Variants in EPHA2 observed in about 807,000 individuals in gnomAD.
The protein encoded by EPHA2 is ephrin type-A receptor 2.
Under a neutral mutation model 104.9 loss-of-function variants are expected in EPHA2, and 54 were observed. That is an observed-to-expected ratio of 0.51 (90% CI 0.41 to 0.65). The LOEUF (loss-of-function observed/expected upper bound fraction) is 0.65. EPHA2 is among the 30% of genes least tolerant of loss of function. The pLI, the probability that EPHA2 is intolerant of heterozygous loss-of-function variation, is 0.00. For synonymous variants in EPHA2, 560 were observed against 559.1 expected, an observed-to-expected ratio of 1.00 and a Z score of -0.02; for missense variants, 1,117 against 1,369.5, an observed-to-expected ratio of 0.82 and a Z score of 2.91.
In EPHA2 at chr1:16,130,689, G is replaced by A. The variant is rs1349521647; in HGVS notation, c.2476-270C>T. On this transcript the variant is annotated intron_variant, in intron 14 of 16. Transcript: ENST00000358432. The surrounding 1 kb of genome is among the most constrained non-coding windows in gnomAD (Gnocchi z 4.5). Reference sequence around the variant, plus strand: ...CTGTCACCCAGGCTAGAGTGCAGTGGCGCTATCACACCTCACGGCAGCCTC... The same window carrying A: ...CTGTCACCCAGGCTAGAGTGCAGTGACGCTATCACACCTCACGGCAGCCTC... 6.6e-6 allele frequency among the ~76,000 whole-genome samples: 1 copy of A among 151,972 alleles called. No homozygotes were observed. The highest frequency in any genetic ancestry group is 1.5e-5 in the Non-Finnish European group (1 of 67,968).
At position 16,134,813 on chromosome 1, in the gene EPHA2, C is replaced by T. The variant is rs560546635; in HGVS notation, c.1582+223G>A. On this transcript the variant is annotated intron_variant, in intron 7 of 16. Coordinates refer to ENST00000358432, the MANE Select transcript of EPHA2 (RefSeq NM_004431.5). The surrounding 1 kb of genome is among the most constrained non-coding windows in gnomAD (Gnocchi z 4.5). ...TTTCTGAGATGCGGATTTGAACTTC[C>T]TCACACCACTGTCGTGAATCCACAT... Among the ~76,000 whole-genome samples the T allele has an allele frequency of 3.3e-5, 5 of 152,214 alleles. No homozygotes were observed. The highest frequency in any genetic ancestry group is 1.2e-4 in the African/African-American group (5 of 41,442).
intron 3 of EPHA2, among the ~76,000 whole-genome samples, chr1:16,143,904 G>A (rs1172303996): frequency 1.3e-5 from 2 of 152,182 alleles, no homozygotes; most frequent in African/African-American, 4.8e-5. Context: ...CTCCCAGCAG[G>A]CCCTGTCGTC....
chr1:16,140,641 T>TG (rs1346377733), intron 3 of EPHA2, among the ~76,000 whole-genome samples: 4 of 152,156 alleles, frequency 2.6e-5, no homozygotes, highest in Admixed American at 1.3e-4. Context: ...GTTTTTGAGA[T>TG]GGAGTCTCGC....
rs199795449 is a variant in EPHA2, at chr1:16,138,232, C to T, written c.979+43G>A. ...GTGCTGTGCTGGACCCAGGCGGACA[C>T]GTCACCCTCAGTCACGCCACCCTGA... On this transcript the variant is annotated intron_variant, in intron 4 of 16. Coordinates refer to ENST00000358432, the MANE Select transcript of EPHA2 (RefSeq NM_004431.5). The T allele has an allele frequency of 5.9e-5, 95 of 1,612,252 alleles. 1 individual carries two copies. Among genetic ancestry groups the T allele is most frequent in the South Asian group, 3.0e-4 (27 of 90,940 alleles).
At chr1:16,132,684 G>C (rs1397296238) in intron 11 of EPHA2, among the ~76,000 whole-genome samples, 1 of 151,088 alleles carries the variant, frequency 6.6e-6, no homozygotes, top group Non-Finnish European at 1.5e-5. Flanking sequence ...GAGGGCACAG[G>C]TATTGAGGAC....
In EPHA2 at chr1:16,125,378, G is replaced by A; in HGVS notation, c.2826-58C>T. 1 of 1,034,530 alleles carries A rather than the reference G, an allele frequency of 9.7e-7. No individual in the cohort carries two copies. The highest frequency in any genetic ancestry group is 1.4e-6 in the Non-Finnish European group (1 of 701,754). 64.1% of individuals were successfully genotyped at this position (1,034,530 alleles called of 1,614,324 possible). ...GGGCTGGAGCAGGGGAGGGGGCCGG[G>A]CTGGGTGGGGACAGGACTCGGTGGG... On this transcript the variant is annotated intron_variant, in intron 16 of 16. Coordinates refer to ENST00000358432, the MANE Select transcript of EPHA2 (RefSeq NM_004431.5). The surrounding 1 kb of genome is among the most constrained non-coding windows in gnomAD (Gnocchi z 4.9).
chr1:16,154,796 C>A (rs1180132547), intron 1 of EPHA2, among the ~76,000 whole-genome samples: 1 of 150,838 alleles, frequency 6.6e-6, no homozygotes, highest in Non-Finnish European at 1.5e-5. Context: ...AAACTTCTCA[C>A]CGGCCCAAGT....
At chr1:16,144,053 G>T (rs2024881149) in intron 3 of EPHA2, among the ~76,000 whole-genome samples, 1 of 152,046 alleles carries the variant, frequency 6.6e-6, no homozygotes, top group Non-Finnish European at 1.5e-5. Context: ...CCCGCCTACC[G>T]CTCCTGTCCT....
chr1:16,129,770 C>G (rs2024540444), intron 15 of EPHA2, among the ~76,000 whole-genome samples, 181 bp from the exon 16 acceptor site: 1 of 152,190 alleles, frequency 6.6e-6, no homozygotes, highest in Non-Finnish European at 1.5e-5. Flanking sequence ...GTTGGGAGCG[C>G]TCAGCATCTG....
At position 16,148,064 on chromosome 1, in the gene EPHA2, C is replaced by T. The variant is rs12410391; in HGVS notation, c.823+314G>A. On this transcript the variant is annotated intron_variant, in intron 3 of 16. Transcript: ENST00000358432. This position sits in a 1 kb window ranked among gnomAD's most constrained non-coding sequence, Gnocchi z 4.9. ...CTAATTTTTGTGTTTTTGGTAGAGA[C>T]GGCGTTTCATTATGTTGCCCAGGCT... Among the ~76,000 whole-genome samples, 13 of 152,004 alleles carry T rather than the reference C, an allele frequency of 8.6e-5. No individual in the cohort carries two copies. The highest frequency in any genetic ancestry group is 5.2e-4 in the Admixed American group (8 of 15,272).
rs56043737 is a variant in EPHA2 at position 16,133,292 on chromosome 1, C to T, written c.1941G>A (p.Thr647=). 15 of 1,613,860 alleles carry T rather than the reference C, an allele frequency of 9.3e-6. 1 individual carries two copies. Among genetic ancestry groups the T allele is most frequent in the South Asian group, 3.3e-5 (3 of 91,090 alleles). Residue 647 remains threonine, a synonymous_variant, in exon 11 of 17, where the codon ACG becomes ACA. Transcript: ENST00000358432. The part of the protein sequence containing the change: ...GKKEVPVAIK[T]LKAGYTEKQR... ...GCTTCTCTGTGTAGCCGGCTTTCAG[C>T]GTCTTGATGGCCACCGGCACCTCCT...
chr1:16,137,932 G>C lies in EPHA2; in HGVS notation c.1233C>G (p.Thr411=), dbSNP rs767907451. 6.2e-7 allele frequency: 1 copy of C among 1,614,154 alleles called. No homozygotes were observed. Among genetic ancestry groups the C allele is most frequent in the Non-Finnish European group, 8.5e-7 (1 of 1,180,042 alleles). The stretch of plus-strand genomic sequence containing the variant: ...CTGAGACGCCATTGCGGGCCTCCAC[G>C]GTGAAGGTGTAGTTCATGTGGGGCT... ...DLEPHMNYTF[T]VEARNGVSGL... The change falls in exon 5 of 17, where the codon ACC becomes ACG. Residue 411 remains threonine, a synonymous_variant. Coordinates refer to ENST00000358432, the MANE Select transcript of EPHA2 (RefSeq NM_004431.5).
chr1:16,136,309 TAATAA>T (rs1557506641), intron 5 of EPHA2, among the ~76,000 whole-genome samples: 1 of 140,920 alleles, frequency 7.1e-6, no homozygotes. Flanking sequence ...GCATAAATAA[TAATAA>T]TAATAATAAT....
At chr1:16,138,742 C>G (rs931319566) in intron 3 of EPHA2, among the ~76,000 whole-genome samples, 5 of 152,238 alleles carry the variant, frequency 3.3e-5, no homozygotes, top group Admixed American at 3.3e-4. Flanking sequence ...TTCAGCCAAC[C>G]AAGAATCCCA....
Position 16,130,136 on chromosome 1 carries a change from G to C in EPHA2, c.2669+90C>G. The C allele has an allele frequency of 6.4e-7, 1 of 1,564,310 alleles. No homozygotes were observed. The highest frequency in any genetic ancestry group is 8.8e-7 in the Non-Finnish European group (1 of 1,137,594). On this transcript the variant is annotated intron_variant, in intron 15 of 16. Transcript: ENST00000358432. This position sits in a 1 kb window ranked among gnomAD's most constrained non-coding sequence, Gnocchi z 4.5. Reference sequence around the variant, plus strand: ...TTAGCCCCCAGCACCCCCCCTACCAGCTTCACCTGGGTGGCCACTCTACCG... The same window carrying C: ...TTAGCCCCCAGCACCCCCCCTACCACCTTCACCTGGGTGGCCACTCTACCG...
chr1:16,151,533 T>A (rs1231289435), intron 1 of EPHA2, among the ~76,000 whole-genome samples: 1 of 151,758 alleles, frequency 6.6e-6, no homozygotes, highest in South Asian at 2.1e-4. Context: ...AAGAAGAGAG[T>A]GCTGTGAACA....
chr1:16,136,628 A>G (rs1440203750), intron 5 of EPHA2, among the ~76,000 whole-genome samples: 1 of 141,760 alleles, frequency 7.1e-6, no homozygotes, highest in East Asian at 2.0e-4. Flanking sequence ...TCAAAAAAAA[A>G]GAAGAAGAAG....
intron 1 of EPHA2, 45 bp from the exon 2 acceptor site, chr1:16,151,008 G>A (rs2025025223): frequency 6.2e-7 from 1 of 1,600,988 alleles, no homozygotes. Flanking sequence ...GGTGTCTTCA[G>A]GAGTCAGACC....
chr1:16,148,473 G>A lies in EPHA2; in HGVS notation c.728C>T (p.Pro243Leu), dbSNP rs1424485459. The change falls in exon 3 of 17, where the codon CCC becomes CTC. Residue 243 changes from proline to leucine, a missense_variant. Around this residue, in one of 3 missense-constraint regions of EPHA2, gnomAD observed 664 missense variants for 784.8 expected, o/e 0.85. Coordinates refer to ENST00000358432, the MANE Select transcript of EPHA2 (RefSeq NM_004431.5). This position sits in a 1 kb window ranked among gnomAD's most constrained non-coding sequence, Gnocchi z 4.9. ...GCCATCCACTGCACAGTGCATACGG[G>A]GCTCTTCACCCCCCGGTGGCACCAC... ...HAVVPPGGEE[P>L]RMHCAVDGEW... The A allele has an allele frequency of 6.2e-7, 1 of 1,613,864 alleles. No individual in the cohort carries two copies. The highest frequency in any genetic ancestry group is 1.1e-5 in the South Asian group (1 of 91,092).
Sources: gnomAD v4.1 joint callset for allele counts (sites outside exome capture counted in the v4.1 genomes callset) on GRCh38, gnomAD v4.1.1 for gene constraint, gnomAD v4.1.1 regional missense constraint, Gnocchi (gnomAD v3.1) non-coding constraint, MANE v1.5 for transcripts, NCBI Gene and HGNC (gene_info 2026-07-23, HGNC 2026-07-21) for gene names.